PYY: variants seen among roughly 807,000 people sequenced by gnomAD.
PYY encodes the protein peptide tyrosine tyrosine.
In PYY, 12 loss-of-function variants were observed where a neutral mutation model predicts 10.3. That is an observed-to-expected ratio of 1.17 (90% CI 0.75 to 1.89). The LOEUF (loss-of-function observed/expected upper bound fraction) is 1.89. Among genes scored for constraint, PYY ranks in the 40% most tolerant of loss-of-function variants. The pLI is 0.00. For synonymous variants in PYY, 66 were observed against 62.0 expected, an observed-to-expected ratio of 1.06 and a Z score of -0.30; for missense variants, 141 against 134.0, an observed-to-expected ratio of 1.05 and a Z score of -0.26.
chr17:43,996,749 G>A (rs1260718442), intron 1 of PYY, among the ~76,000 whole-genome samples: 3 of 151,424 alleles, frequency 2.0e-5, no homozygotes, highest in South Asian at 2.1e-4. Context: ...GTGCAGTGGC[G>A]CAATCTCAGC....
chr17:43,989,243 G>T (rs928440321), intron 1 of PYY, among the ~76,000 whole-genome samples: 1 of 151,926 alleles, frequency 6.6e-6, no homozygotes, highest in Non-Finnish European at 1.5e-5. Context: ...GCGTGGTGGC[G>T]GGCGCCTGTA....
intron 1 of PYY, among the ~76,000 whole-genome samples, chr17:43,994,408 A>C (rs2048977374): frequency 6.6e-6 from 1 of 151,942 alleles, no homozygotes. Flanking sequence ...AGTAACAGTC[A>C]AGTCAGCGAA....
upstream of PYY, among the ~76,000 whole-genome samples, chr17:43,955,069 G>A (rs921041702): frequency 1.1e-4 from 16 of 152,206 alleles, no homozygotes; most frequent in African/African-American, 3.9e-4. Flanking sequence ...ACCTGGAGTA[G>A]CCATTGGGGC....
intron 1 of PYY, among the ~76,000 whole-genome samples, chr17:43,991,886 C>T (rs1029326312): frequency 2.0e-5 from 3 of 150,920 alleles, no homozygotes; most frequent in Non-Finnish European, 4.4e-5. Context: ...TCTGGGAGGC[C>T]GAGGCAGACG....
chr17:43,969,984 C>T (rs2048780203), intron 1 of PYY, among the ~76,000 whole-genome samples: 1 of 151,782 alleles, frequency 6.6e-6, no homozygotes, highest in Non-Finnish European at 1.5e-5. Flanking sequence ...CCTCATGATA[C>T]ATCTGCCACG....
At chr17:43,955,826 C>T (rs960452649), upstream of PYY, among the ~76,000 whole-genome samples, 2 of 151,958 alleles carry the variant, frequency 1.3e-5, no homozygotes, top group Non-Finnish European at 2.9e-5. Context: ...CAGGTGCTCA[C>T]CCTAGGATGG....
chr17:43,996,216 C>T (rs1199419967), intron 1 of PYY, among the ~76,000 whole-genome samples: 5 of 152,182 alleles, frequency 3.3e-5, no homozygotes, highest in African/African-American at 1.2e-4. Flanking sequence ...AGCCCAACTG[C>T]CCTGAAGCTG....
upstream of PYY, among the ~76,000 whole-genome samples, chr17:43,957,052 G>T (rs946340225): frequency 6.6e-5 from 10 of 152,036 alleles, no homozygotes; most frequent in South Asian, 1.7e-3. Flanking sequence ...ACAAAAATTA[G>T]CCAAGCGTCG....
chr17:43,964,105 G>A (rs1213706841), intron 2 of PYY, among the ~76,000 whole-genome samples: 1 of 152,172 alleles, frequency 6.6e-6, no homozygotes, highest in Admixed American at 6.5e-5. Flanking sequence ...ATCCGGGCTG[G>A]AGTGCAATGG....
chr17:43,957,395 C>T (rs1474794004), upstream of PYY, among the ~76,000 whole-genome samples: 5 of 151,952 alleles, frequency 3.3e-5, no homozygotes, highest in Admixed American at 6.6e-5. Flanking sequence ...CGGTGGCTCA[C>T]GCCTGTAATC....
upstream of PYY, among the ~76,000 whole-genome samples, chr17:43,957,354 AAAAT>A (rs1300417169): frequency 2.0e-5 from 3 of 151,806 alleles, no homozygotes; most frequent in African/African-American, 4.8e-5. Context: ...CAGGAAATAG[AAAAT>A]AAATAAATAA....
At chr17:43,960,858 A>AC (rs1467030555) in intron 2 of PYY, among the ~76,000 whole-genome samples, 2 of 151,440 alleles carry the variant, frequency 1.3e-5, no homozygotes, top group Non-Finnish European at 2.9e-5. Flanking sequence ...GCAAAAAAAA[A>AC]AAAAACGGTG....
At chr17:43,999,384 G>A (rs2049010901) in intron 1 of PYY, among the ~76,000 whole-genome samples, 1 of 152,108 alleles carries the variant, frequency 6.6e-6, no homozygotes, top group Non-Finnish European at 1.5e-5. Flanking sequence ...AAGGAGCAAA[G>A]AATTGGGGCA....
At chr17:43,970,257 C>T (rs1462042491) in intron 1 of PYY, among the ~76,000 whole-genome samples, 3 of 148,418 alleles carry the variant, frequency 2.0e-5, no homozygotes, top group Non-Finnish European at 3.0e-5. Flanking sequence ...CCTGTAATCC[C>T]AGCACTTTGA....
chr17:43,989,228 G>A (rs1205238206), intron 1 of PYY, among the ~76,000 whole-genome samples: 1 of 152,004 alleles, frequency 6.6e-6, no homozygotes, highest in African/African-American at 2.4e-5. Context: ...CAAAAAATTA[G>A]CCGGGCGTGG....
rs1425553817 is a variant in PYY at position 43,996,784 on chromosome 17, C to T, written c.-463+7607G>A. 2.6e-5 allele frequency among the ~76,000 whole-genome samples: 4 copies of T among 151,898 alleles called. 1 individual carries two copies. The highest frequency in any genetic ancestry group is 9.7e-5 in the African/African-American group (4 of 41,336). ...CTCACTGCAACCCCCACCTCCTGGG[C>T]TTAGGCCATCCTCCCACCTCAGCCA... On this transcript the variant is annotated intron_variant, in intron 1 of 6. Transcript: ENST00000360085.
rs150512859 is a variant in PYY, at chr17:43,985,990, C to T, written c.-463+18401G>A. Reference sequence around the variant, plus strand: ...TGAAAATGTTGGCCAGGCGCGGTGGCTCACGCCTGTAATCCCAGCACTTTG... The same window carrying T: ...TGAAAATGTTGGCCAGGCGCGGTGGTTCACGCCTGTAATCCCAGCACTTTG... On this transcript the variant is annotated intron_variant, in intron 1 of 6. Coordinates refer to the PYY transcript ENST00000360085. Among the ~76,000 whole-genome samples the T allele has an allele frequency of 2.6e-4, 39 of 152,274 alleles. 2 individuals carry two copies. The East Asian group carries it at 7.5e-3, about 29-fold the overall frequency.
intron 1 of PYY, among the ~76,000 whole-genome samples, chr17:43,996,560 G>A (rs2048993597): frequency 6.6e-6 from 1 of 152,162 alleles, no homozygotes; most frequent in Non-Finnish European, 1.5e-5. Context: ...CACCTCCTGG[G>A]TTCAGGTGAT....
chr17:43,972,334 T>C (rs1164756199), intron 1 of PYY, among the ~76,000 whole-genome samples: 1 of 151,346 alleles, frequency 6.6e-6, no homozygotes, highest in Non-Finnish European at 1.5e-5. Flanking sequence ...TGTCTTAGCC[T>C]CCTGAATAGC....
Sources: gnomAD v4.1 joint callset for allele counts (sites outside exome capture counted in the v4.1 genomes callset) on GRCh38, gnomAD v4.1.1 for gene constraint, MANE v1.5 for transcripts, NCBI Gene and HGNC (gene_info 2026-07-23, HGNC 2026-07-21) for gene names.